FSTL5: variants seen among roughly 807,000 people sequenced by gnomAD.
The protein encoded by FSTL5 is follistatin like 5, also known as follistatin-related protein 5.
A neutral mutation model predicts 89.1 loss-of-function variants in FSTL5; 62 were observed. The observed-to-expected ratio is 0.70, with a 90% CI of 0.57 to 0.86. The LOEUF (loss-of-function observed/expected upper bound fraction) is 0.86. Among genes scored for constraint, FSTL5 ranks in the 40% least tolerant of loss-of-function variants. The pLI is 0.00. For missense variants in FSTL5, 1,057 were observed against 1,001.6 expected (o/e 1.06, Z -0.75); for synonymous variants, 383 against 346.2 (o/e 1.11, Z -1.18).
chr4:161,617,160 CATATT>C (rs1471825983), intron 7 of FSTL5, among the ~76,000 whole-genome samples: 2 of 151,590 alleles, frequency 1.3e-5, no homozygotes, highest in African/African-American at 4.8e-5. Context: ...AATATAAACT[CATATT>C]TATATAAATT....
At position 161,429,214 on chromosome 4, in the gene FSTL5, G is replaced by C. The variant is rs185265566; in HGVS notation, c.1841+25790C>G. On this transcript the variant is annotated intron_variant, in intron 15 of 15. Coordinates refer to ENST00000306100, the MANE Select transcript of FSTL5 (RefSeq NM_020116.5). ...TTGCAGTAGAATAGGGCACCAAGCA[G>C]ATTCCTAAAGTTTTCCATGCTAGAC... is the stretch of plus-strand genomic sequence containing the variant. Among the ~76,000 whole-genome samples, 3 of 152,242 alleles carry C rather than the reference G, an allele frequency of 2.0e-5. No homozygotes were observed. The East Asian group carries it at 5.8e-4, about 30-fold the overall frequency.
At chr4:161,402,988 A>AT (rs533153774) in intron 15 of FSTL5, among the ~76,000 whole-genome samples, 2,925 of 149,094 alleles carry the variant, frequency 0.02, 92 homozygotes, top group African/African-American at 0.068. Context: ...CGCCCGGCTA[A>AT]TTTTTTTTTT....
At chr4:161,411,992 G>T (rs760698686) in intron 15 of FSTL5, among the ~76,000 whole-genome samples, 1 of 152,062 alleles carries the variant, frequency 6.6e-6, no homozygotes, top group Non-Finnish European at 1.5e-5. Context: ...ACTTATTAAG[G>T]TTTCACCATA....
intron 7 of FSTL5, among the ~76,000 whole-genome samples, chr4:161,608,127 CT>C (rs1282733772): frequency 6.6e-6 from 1 of 152,128 alleles, no homozygotes; most frequent in Non-Finnish European, 1.5e-5. Flanking sequence ...TCTGCTCACT[CT>C]ACCTCACAAG....
intron 4 of FSTL5, among the ~76,000 whole-genome samples, chr4:161,806,130 A>C (rs549231524): frequency 6.6e-6 from 1 of 152,266 alleles, no homozygotes; most frequent in Admixed American, 6.5e-5. Flanking sequence ...TTCTACATGC[A>C]CAGCAATGTT....
chr4:161,710,923 C>T (rs1193181261), intron 6 of FSTL5, among the ~76,000 whole-genome samples: 1 of 152,018 alleles, frequency 6.6e-6, no homozygotes, highest in Non-Finnish European at 1.5e-5. Flanking sequence ...TATAAATTAG[C>T]ACAGTCCTAA....
In FSTL5 at chr4:161,479,409, A is replaced by G. The variant is rs769403157; in HGVS notation, c.1608+1611T>C. On this transcript the variant is annotated intron_variant, in intron 13 of 15. Transcript: ENST00000306100. ...TCCACTTTTGAACATCACTTAGATA[A>G]TTTATATTCAGAGAGTATAGTTCTC... Among the ~76,000 whole-genome samples, 82 of 151,826 alleles carry G rather than the reference A, an allele frequency of 5.4e-4. 1 individual carries two copies. Among genetic ancestry groups the G allele is most frequent in the Middle Eastern group, 3.2e-3 (1 of 316 alleles).
chr4:161,780,224 A>G (rs6821330), intron 4 of FSTL5, among the ~76,000 whole-genome samples: 109,703 of 149,650 alleles, frequency 0.73, 40,275 homozygotes, highest in Non-Finnish European at 0.76. Flanking sequence ...ATTTAATAAT[A>G]ATTGATAGGA....
intron 12 of FSTL5, among the ~76,000 whole-genome samples, chr4:161,487,328 G>C (rs1729713951): frequency 6.6e-6 from 1 of 152,122 alleles, no homozygotes; most frequent in Admixed American, 6.6e-5. Flanking sequence ...CAGAATCATT[G>C]AGAAACTGAA....
At position 161,416,041 on chromosome 4, in the gene FSTL5, C is replaced by T. The variant is rs574908421; in HGVS notation, c.1842-29592G>A. On this transcript the variant is annotated intron_variant, in intron 15 of 15. Coordinates refer to ENST00000306100, the MANE Select transcript of FSTL5 (RefSeq NM_020116.5). ...TTTACTCTAATTCCACATCTTTATT[C>T]GTTGATGAGCTTTTTGAGGCCAATT... 5.9e-5 allele frequency among the ~76,000 whole-genome samples: 9 copies of T among 152,024 alleles called. No homozygotes were observed. In the South Asian group the frequency reaches 1.7e-3, roughly 28 times the overall value.
intron 14 of FSTL5, among the ~76,000 whole-genome samples, chr4:161,456,779 G>T (rs1375785053): frequency 6.6e-6 from 1 of 152,130 alleles, no homozygotes; most frequent in Admixed American, 6.6e-5. Context: ...AAGTCTAATG[G>T]CATAGCAAAA....
At position 161,780,960 on chromosome 4, in the gene FSTL5, C is replaced by T. The variant is rs78354323; in HGVS notation, c.410-4886G>A. ...TTCAATCAAAAGCATAAAAGGAAAC[C>T]ATGTTTTATCTTTTTGACATTTATT... On this transcript the variant is annotated intron_variant, in intron 4 of 15. Transcript: ENST00000306100. Among the ~76,000 whole-genome samples the T allele has an allele frequency of 9.3e-3, 1,408 of 152,112 alleles. 27 individuals carry two copies. The highest frequency in any genetic ancestry group is 0.031 in the African/African-American group (1,287 of 41,512).
At position 161,566,131 on chromosome 4, in the gene FSTL5, T is replaced by C. The variant is rs1195024298; in HGVS notation, c.1015+21324A>G. 5.4e-3 allele frequency among the ~76,000 whole-genome samples: 420 copies of C among 77,576 alleles called. 13 individuals carry two copies. Among genetic ancestry groups the C allele is most frequent in the African/African-American group, 0.019 (403 of 21,454 alleles). 50.9% of individuals were successfully genotyped at this position (77,576 alleles called of 152,430 possible). A position where few individuals can be genotyped will look rare whatever the true frequency, so the allele number is the denominator to read the frequency against. On this transcript the variant is annotated intron_variant, in intron 8 of 15. Coordinates refer to ENST00000306100, the MANE Select transcript of FSTL5 (RefSeq NM_020116.5). The stretch of plus-strand genomic sequence containing the variant: ...ATATATATATATATATATATATATA[T>C]ATATACACACACACACACACACACC...
At chr4:161,468,446 T>TTATA (rs1481017086) in intron 13 of FSTL5, among the ~76,000 whole-genome samples, 1 of 152,022 alleles carries the variant, frequency 6.6e-6, no homozygotes, top group African/African-American at 2.4e-5. Context: ...AAAACCTGAA[T>TTATA]TATAGCAGCA....
Position 162,149,479 on chromosome 4 carries a change from T to TA in FSTL5, c.-17+14135dup, listed in dbSNP as rs946194086. On this transcript the variant is annotated intron_variant, in intron 1 of 15. Transcript: ENST00000306100. ...TATCTCTACAAAGAAATGTAAAATT[T>TA]AAAAAAAAAAAATTAGTTCTGTGTG... 3.5e-3 allele frequency among the ~76,000 whole-genome samples: 315 copies of TA among 89,124 alleles called. 1 individual carries two copies. Among genetic ancestry groups the TA allele is most frequent in the Middle Eastern group, 0.015 (3 of 204 alleles). 58.5% of individuals were successfully genotyped at this position (89,124 alleles called of 152,430 possible).
chr4:161,842,433 T>G (rs1333843512), intron 4 of FSTL5, among the ~76,000 whole-genome samples: 2 of 152,186 alleles, frequency 1.3e-5, no homozygotes, highest in African/African-American at 2.4e-5. Flanking sequence ...ATAAAATTGG[T>G]ATCTCTTTAT....
intron 8 of FSTL5, among the ~76,000 whole-genome samples, chr4:161,559,289 T>C (rs67949243): frequency 0.3 from 44,926 of 151,698 alleles, 7,120 homozygotes; most frequent in Non-Finnish European, 0.35. Flanking sequence ...AACTTTCTGA[T>C]GACTCCTAAA....
At chr4:161,942,953 T>A (rs945713631) in intron 3 of FSTL5, among the ~76,000 whole-genome samples, 2 of 152,144 alleles carry the variant, frequency 1.3e-5, no homozygotes, top group African/African-American at 4.8e-5. Flanking sequence ...AATCAATTAG[T>A]GTTAATAAGC....
At chr4:161,433,048 G>T (rs1732433990) in intron 15 of FSTL5, among the ~76,000 whole-genome samples, 1 of 151,394 alleles carries the variant, frequency 6.6e-6, no homozygotes, top group Non-Finnish European at 1.5e-5. Flanking sequence ...ATCAATAGAT[G>T]AGAAAATAAT....
Sources: gnomAD v4.1 joint callset for allele counts (sites outside exome capture counted in the v4.1 genomes callset) on GRCh38, gnomAD v4.1.1 for gene constraint, MANE v1.5 for transcripts, NCBI Gene and HGNC (gene_info 2026-07-23, HGNC 2026-07-21) for gene names.